FOXP1: variants seen among roughly 807,000 people sequenced by gnomAD.
FOXP1 encodes forkhead box protein P1.
FOXP1 carries 15 observed loss-of-function variants against 98.2 expected under a neutral mutation model. The observed-to-expected ratio is 0.15, with a 90% confidence interval of 0.10 to 0.24. FOXP1 has a LOEUF of 0.24. Ranked by LOEUF, FOXP1 falls within the 10% of genes least tolerant of loss-of-function variation. The pLI is 1.00. For synonymous variants in FOXP1, 371 were observed against 314.5 expected, an observed-to-expected ratio of 1.18 and a Z score of -1.90; for missense variants, 633 against 848.5, an observed-to-expected ratio of 0.75 and a Z score of 3.15.
At chr3:71,173,375 G>GA (rs2061746106) in intron 6 of FOXP1, among the ~76,000 whole-genome samples, 1 of 115,002 alleles carries the variant, frequency 8.7e-6, no homozygotes, top group Admixed American at 1.0e-4. Flanking sequence ...AGAAAAAAAA[G>GA]AAAAAATTCA....
rs116353385 is a variant in FOXP1 at position 71,195,211 on chromosome 3, T to C, written c.180+2991A>G. ...CTAATTTTTAGAAATGACAATACCA[T>C]TTGAACGCAATTAAGCCAACCTATA... On this transcript the variant is annotated intron_variant, in intron 6 of 20. Transcript: ENST00000649528. Among the ~76,000 whole-genome samples, 451 of 152,312 alleles carry C rather than the reference T, an allele frequency of 3.0e-3. 2 individuals are homozygous for C. Among genetic ancestry groups the C allele is most frequent in the African/African-American group, 9.7e-3 (402 of 41,578 alleles).
intron 19 of FOXP1, among the ~76,000 whole-genome samples, chr3:70,968,209 T>TGTC (rs2035372757): frequency 1.4e-5 from 2 of 145,986 alleles, no homozygotes; most frequent in African/African-American, 2.8e-5. Flanking sequence ...AAACCAGCCT[T>TGTC]GTCCCTTGAA....
chr3:71,173,683 T>C (rs1423155555), intron 6 of FOXP1, among the ~76,000 whole-genome samples: 4 of 152,096 alleles, frequency 2.6e-5, no homozygotes, highest in African/African-American at 9.7e-5. Context: ...ATTACCGAGG[T>C]TATCTCCTGC....
intron 5 of FOXP1, among the ~76,000 whole-genome samples, chr3:71,265,845 C>T (rs78990470): frequency 0.026 from 3,958 of 152,144 alleles, 99 homozygotes; most frequent in East Asian, 0.15. Context: ...TAGGAGGGGG[C>T]GCGAAAAGTG....
intron 7 of FOXP1, among the ~76,000 whole-genome samples, chr3:71,066,739 G>T (rs532657740): frequency 6.6e-6 from 1 of 152,332 alleles, no homozygotes; most frequent in African/African-American, 2.4e-5. Context: ...GATGTACTTT[G>T]AATATGCAAT....
intron 11 of FOXP1, among the ~76,000 whole-genome samples, chr3:71,035,829 C>T (rs561275962): frequency 6.6e-6 from 1 of 151,786 alleles, no homozygotes; most frequent in African/African-American, 2.4e-5. Flanking sequence ...CTAGAGTTTA[C>T]TGCTTAAATT....
chr3:71,065,539 C>T (rs1289312309), intron 7 of FOXP1: 1 of 152,186 alleles, frequency 6.6e-6, no homozygotes, highest in Non-Finnish European at 1.5e-5. Context: ...CTTTCTTTCC[C>T]AGAGTCGGTC....
chr3:70,978,462 C>G (rs971544667), intron 14 of FOXP1, among the ~76,000 whole-genome samples: 2 of 151,254 alleles, frequency 1.3e-5, no homozygotes, highest in African/African-American at 4.9e-5. Flanking sequence ...TGGTGTAGAT[C>G]TGAAGAAGTG....
At chr3:71,001,169 A>AT in intron 12 of FOXP1, 110 bp from the exon 13 acceptor site, 2 of 778,406 alleles carry the variant, frequency 2.6e-6, no homozygotes, top group South Asian at 2.9e-5. Context: ...CTCCCAGGAG[A>AT]TAGTAGTCCA....
intron 4 of FOXP1, among the ~76,000 whole-genome samples, chr3:71,343,051 G>A (rs1263896227): frequency 2.0e-5 from 3 of 152,176 alleles, no homozygotes; most frequent in Admixed American, 6.5e-5. Context: ...GTAAGATGGT[G>A]CTAGTATATT....
At chr3:70,997,779 T>C (rs2041590303) in intron 13 of FOXP1, among the ~76,000 whole-genome samples, 1 of 152,228 alleles carries the variant, frequency 6.6e-6, no homozygotes, top group Non-Finnish European at 1.5e-5. Context: ...TTATCTGTTT[T>C]AATCATTGTA....
intron 2 of FOXP1, among the ~76,000 whole-genome samples, chr3:71,550,795 T>A (rs748757524): frequency 2.6e-5 from 4 of 152,156 alleles, no homozygotes; most frequent in Non-Finnish European, 5.9e-5. Flanking sequence ...CTATTTACAT[T>A]TATCATATTT....
Position 70,959,212 on chromosome 3 carries a change from C to G in FOXP1, c.*35G>C, listed in dbSNP as rs2032586498. On this transcript the variant is annotated 3_prime_UTR_variant, in exon 21 of 21. Transcript: ENST00000649528. ...CGTGTTTTTTTTTTTTTCCTTTTTC[C>G]AATCTTCATTCTCGGGGTTGGCCCG... 6 of 1,593,688 alleles carry G rather than the reference C, an allele frequency of 3.8e-6. No individual in the cohort carries two copies. Among genetic ancestry groups the G allele is most frequent in the Non-Finnish European group, 5.1e-6 (6 of 1,170,864 alleles).
chr3:71,163,165 C>T (rs1199313572), intron 6 of FOXP1, among the ~76,000 whole-genome samples: 1 of 152,172 alleles, frequency 6.6e-6, no homozygotes, highest in Admixed American at 6.5e-5. Flanking sequence ...GATCTGCTTC[C>T]CAAATCTTTT....
At chr3:71,064,170 C>A (rs1042323574) in intron 7 of FOXP1, among the ~76,000 whole-genome samples, 1 of 152,204 alleles carries the variant, frequency 6.6e-6, no homozygotes, top group African/African-American at 2.4e-5. Flanking sequence ...CTCGCCTGCT[C>A]CGGTGTGGGG....
intron 2 of FOXP1, among the ~76,000 whole-genome samples, chr3:71,511,750 T>C (rs138210758): frequency 2.9e-4 from 44 of 152,360 alleles, no homozygotes; most frequent in African/African-American, 1.0e-3. Context: ...AATCTCATCA[T>C]GGTTCAATGA....
chr3:71,011,827 C>T (rs1434285812), intron 12 of FOXP1, among the ~76,000 whole-genome samples: 1 of 152,084 alleles, frequency 6.6e-6, no homozygotes, highest in Non-Finnish European at 1.5e-5. Flanking sequence ...TAGGTGGTTT[C>T]CTATACAAGT....
intron 5 of FOXP1, among the ~76,000 whole-genome samples, chr3:71,256,902 C>T (rs2068672852): frequency 6.6e-6 from 1 of 152,214 alleles, no homozygotes; most frequent in South Asian, 2.1e-4. Context: ...GATACTGGCA[C>T]TTCCTATATA....
intron 11 of FOXP1, among the ~76,000 whole-genome samples, chr3:71,022,917 C>T (rs1183312344): frequency 6.6e-6 from 1 of 152,110 alleles, no homozygotes; most frequent in African/African-American, 2.4e-5. Context: ...ATGAATGAAG[C>T]CCCTCAGGAA....
Sources: gnomAD v4.1 joint callset for allele counts (sites outside exome capture counted in the v4.1 genomes callset) on GRCh38, gnomAD v4.1.1 for gene constraint, MANE v1.5 for transcripts, NCBI Gene and HGNC (gene_info 2026-07-23, HGNC 2026-07-21) for gene names.